Variants in CSMD1 observed in about 807,000 individuals in gnomAD.
The protein encoded by CSMD1 is CUB and Sushi multiple domains 1, also known as CUB and sushi domain-containing protein 1.
CSMD1 carries 213 observed loss-of-function variants against 417.5 expected under a neutral mutation model. That is an observed-to-expected ratio of 0.51 (90% CI 0.46 to 0.57). CSMD1 has a LOEUF of 0.57. CSMD1 is among the 20% of genes least tolerant of loss of function. CSMD1 has a pLI of 0.00. For synonymous variants in CSMD1, 2,862 were observed against 1,736.8 expected, an observed-to-expected ratio of 1.65 and a Z score of -16.11; for missense variants, 6,923 against 4,529.7, an observed-to-expected ratio of 1.53 and a Z score of -15.17.
intron 46 of CSMD1, among the ~76,000 whole-genome samples, chr8:3,098,948 T>C: frequency 6.6e-6 from 1 of 151,858 alleles, no homozygotes; most frequent in East Asian, 1.9e-4. Context: ...GGACTAGGGA[T>C]GATTACACCA....
intron 5 of CSMD1, among the ~76,000 whole-genome samples, chr8:3,917,165 C>A (rs545938556): frequency 6.6e-6 from 1 of 152,224 alleles, no homozygotes; most frequent in African/African-American, 2.4e-5. Flanking sequence ...AGAGGAATAA[C>A]GATTACAAAT....
In CSMD1 at chr8:3,370,109, G is replaced by C. The variant is rs147657986; in HGVS notation, c.2783-739C>G. Reference sequence around the variant, plus strand: ...ATCAAAACGTTATCTACTGAGAGTTGCTAACGGGAATTCAATTCTTAAGAT... The same window carrying C: ...ATCAAAACGTTATCTACTGAGAGTTCCTAACGGGAATTCAATTCTTAAGAT... On this transcript the variant is annotated intron_variant, in intron 18 of 69. Coordinates refer to ENST00000635120, the MANE Select transcript of CSMD1 (RefSeq NM_033225.6). Among the ~76,000 whole-genome samples, 9 of 152,278 alleles carry C rather than the reference G, an allele frequency of 5.9e-5. No homozygotes were observed. The South Asian group carries it at 1.5e-3, about 25-fold the overall frequency.
intron 3 of CSMD1, among the ~76,000 whole-genome samples, chr8:4,282,516 C>T (rs989675513): frequency 2.6e-5 from 4 of 152,142 alleles, no homozygotes; most frequent in African/African-American, 4.8e-5. Flanking sequence ...CTAAGCTTTG[C>T]GTTTGTAAAG....
At chr8:4,698,004 C>T (rs935100090) in intron 1 of CSMD1, among the ~76,000 whole-genome samples, 1 of 152,112 alleles carries the variant, frequency 6.6e-6, no homozygotes, top group Non-Finnish European at 1.5e-5. Flanking sequence ...TTACATCGAA[C>T]ACTTAATATG....
In CSMD1 at chr8:3,934,535, C is replaced by G. The variant is rs113801723; in HGVS notation, c.818+63368G>C. Among the ~76,000 whole-genome samples the G allele has an allele frequency of 3.9e-3, 590 of 152,192 alleles. 6 individuals carry two copies. The highest frequency in any genetic ancestry group is 0.014 in the African/African-American group (574 of 41,530). On this transcript the variant is annotated intron_variant, in intron 5 of 69. Coordinates refer to ENST00000635120, the MANE Select transcript of CSMD1 (RefSeq NM_033225.6). ...GAGGCCAGACCTAAACAAGTGCTGC[C>G]TTTATCACTAACTAAGGGTTAAACA...
At chr8:4,807,508 A>C (rs1223589572) in intron 1 of CSMD1, among the ~76,000 whole-genome samples, 1 of 152,070 alleles carries the variant, frequency 6.6e-6, no homozygotes, top group Non-Finnish European at 1.5e-5. Context: ...GAATCACCTA[A>C]ACCCCAGACA....
intron 7 of CSMD1, among the ~76,000 whole-genome samples, chr8:3,668,480 T>C (rs895177061): frequency 6.6e-6 from 1 of 152,154 alleles, no homozygotes; most frequent in Non-Finnish European, 1.5e-5. Context: ...GTTTGGGGGA[T>C]ATTACAAGGA....
At chr8:4,931,598 T>C (rs12334736) in intron 1 of CSMD1, among the ~76,000 whole-genome samples, 47,483 of 152,126 alleles carry the variant, frequency 0.31, 8,354 homozygotes, top group Non-Finnish European at 0.41. Context: ...TATAGCTACG[T>C]TATAAACTAG....
chr8:3,968,004 T>TAAAA (rs11330461), intron 5 of CSMD1, among the ~76,000 whole-genome samples: 14 of 98,918 alleles, frequency 1.4e-4, no homozygotes, highest in African/African-American at 5.7e-4. Flanking sequence ...CGTCACTGCT[T>TAAAA]AAAAAAAAAA....
intron 1 of CSMD1, among the ~76,000 whole-genome samples, chr8:4,659,906 G>A (rs922634226): frequency 6.6e-6 from 1 of 151,958 alleles, no homozygotes; most frequent in African/African-American, 2.4e-5. Context: ...AAAAATGCAT[G>A]TGACATAATT....
chr8:4,954,236 T>TTA (rs1808936233), intron 1 of CSMD1, among the ~76,000 whole-genome samples: 2 of 152,186 alleles, frequency 1.3e-5, no homozygotes, highest in African/African-American at 4.8e-5. Flanking sequence ...GTTTAAGAAA[T>TTA]TATTTTTAAA....
chr8:3,304,844 G>A (rs1176717374), intron 25 of CSMD1, among the ~76,000 whole-genome samples: 1 of 151,698 alleles, frequency 6.6e-6, no homozygotes, highest in African/African-American at 2.4e-5. Context: ...ATTAATTCCA[G>A]TAAATTAAGC....
At chr8:4,126,221 G>A (rs190592770) in intron 3 of CSMD1, among the ~76,000 whole-genome samples, 1 of 152,234 alleles carries the variant, frequency 6.6e-6, no homozygotes, top group African/African-American at 2.4e-5. Context: ...CTGGGAGACT[G>A]ATTTGAGTAA....
chr8:3,380,235 A>G (rs1434815406), intron 18 of CSMD1, among the ~76,000 whole-genome samples: 3 of 152,188 alleles, frequency 2.0e-5, no homozygotes, highest in African/African-American at 7.2e-5. Flanking sequence ...AAAGTCAGGA[A>G]ACAACAGATG....
At chr8:3,105,138 T>C (rs1381533423) in intron 46 of CSMD1, among the ~76,000 whole-genome samples, 1 of 152,228 alleles carries the variant, frequency 6.6e-6, no homozygotes, top group East Asian at 1.9e-4. Context: ...CTCAAAAAGA[T>C]AAATTCATTT....
At chr8:3,978,324 G>GCT (rs1394417678) in intron 5 of CSMD1, among the ~76,000 whole-genome samples, 1 of 152,012 alleles carries the variant, frequency 6.6e-6, no homozygotes, top group Non-Finnish European at 1.5e-5. Flanking sequence ...TTCCCACATG[G>GCT]CTCTCTTTTT....
intron 4 of CSMD1, among the ~76,000 whole-genome samples, chr8:4,020,264 T>C (rs1038861237): frequency 6.6e-6 from 1 of 152,226 alleles, no homozygotes; most frequent in African/African-American, 2.4e-5. Context: ...TTGACAGCAC[T>C]GGGATTTGCC....
chr8:4,653,823 A>G (rs1009987430), intron 1 of CSMD1, among the ~76,000 whole-genome samples: 1 of 152,172 alleles, frequency 6.6e-6, no homozygotes, highest in East Asian at 1.9e-4. Context: ...ACTAATCTTT[A>G]TCAAGTGCCA....
intron 5 of CSMD1, among the ~76,000 whole-genome samples, chr8:3,932,971 T>C (rs1810257416): frequency 6.7e-6 from 1 of 150,280 alleles, no homozygotes; most frequent in South Asian, 2.1e-4. Context: ...ATTTTTTGCT[T>C]TCTAATATCC....
Sources: gnomAD v4.1 joint callset for allele counts (sites outside exome capture counted in the v4.1 genomes callset) on GRCh38, gnomAD v4.1.1 for gene constraint, MANE v1.5 for transcripts, NCBI Gene and HGNC (gene_info 2026-07-23, HGNC 2026-07-21) for gene names.